The following NREP variants were observed in gnomAD, a reference collection of about 807,000 sequenced individuals.
The protein encoded by NREP is neuronal regeneration-related protein.
Under a neutral mutation model 8.6 loss-of-function variants are expected in NREP, and 5 were observed. The observed-to-expected ratio is 0.58, with a 90% CI of 0.30 to 1.22. The LOEUF is 1.22. NREP is among the 50% of genes most tolerant of loss of function. NREP has a pLI of 0.07. For synonymous variants in NREP, 27 were observed against 28.0 expected (o/e 0.96, Z 0.11); for missense variants, 86 against 82.5 (o/e 1.04, Z -0.17).
chr5:111,837,114 G>C (rs188976386), intron 2 of NREP, among the ~76,000 whole-genome samples: 183 of 151,958 alleles, frequency 1.2e-3, no homozygotes, highest in South Asian at 9.1e-3. Context: ...ATTTTTTTTG[G>C]CTTCTAAGTT....
At chr5:111,875,411 G>T (rs1753880697) in intron 2 of NREP, among the ~76,000 whole-genome samples, 1 of 152,018 alleles carries the variant, frequency 6.6e-6, no homozygotes, top group Admixed American at 6.6e-5. Context: ...TCACTTTCCA[G>T]AAACGTATCA....
chr5:111,867,198 G>T (rs992368549), intron 2 of NREP, among the ~76,000 whole-genome samples: 6 of 151,896 alleles, frequency 4.0e-5, no homozygotes, highest in African/African-American at 1.2e-4. Flanking sequence ...TCTTAGCTTG[G>T]GCTGTCACAA....
chr5:111,906,809 T>A (rs1302374910), intron 2 of NREP, among the ~76,000 whole-genome samples: 1 of 152,134 alleles, frequency 6.6e-6, no homozygotes, highest in East Asian at 1.9e-4. Context: ...CATCTAAGTA[T>A]CTTCTTTGGT....
intron 2 of NREP, among the ~76,000 whole-genome samples, chr5:111,973,458 T>G (rs1028812981): frequency 6.6e-6 from 1 of 152,190 alleles, no homozygotes; most frequent in Non-Finnish European, 1.5e-5. Context: ...TTGAGTAGAA[T>G]GGAGGCTTGT....
intron 2 of NREP, among the ~76,000 whole-genome samples, chr5:111,741,856 C>CACAA: frequency 6.6e-6 from 1 of 151,858 alleles, no homozygotes; most frequent in South Asian, 2.1e-4. Flanking sequence ...CACACACACA[C>CACAA]ACACACTGGA....
At chr5:111,815,873 A>G (rs941178216) in intron 2 of NREP, among the ~76,000 whole-genome samples, 1 of 152,166 alleles carries the variant, frequency 6.6e-6, no homozygotes, top group Non-Finnish European at 1.5e-5. Flanking sequence ...GATCCAAGAC[A>G]CCACACGTAA....
At chr5:111,775,901 T>C (rs1197461364) in intron 2 of NREP, among the ~76,000 whole-genome samples, 1 of 152,136 alleles carries the variant, frequency 6.6e-6, no homozygotes, top group Non-Finnish European at 1.5e-5. Flanking sequence ...TATTAAAAGA[T>C]AGATCACAAT....
At chr5:111,863,652 T>A (rs1232778404) in intron 2 of NREP, among the ~76,000 whole-genome samples, 1 of 151,790 alleles carries the variant, frequency 6.6e-6, no homozygotes, top group African/African-American at 2.4e-5. Context: ...TATGAGAGTG[T>A]AGTATCACTG....
chr5:111,888,102 C>G (rs139128041), intron 2 of NREP, among the ~76,000 whole-genome samples: 34 of 152,264 alleles, frequency 2.2e-4, no homozygotes, highest in South Asian at 8.3e-4. Context: ...TGAGGGTCAG[C>G]TAAGGCAAGG....
At chr5:111,731,132 G>T (rs539617235) in intron 3 of NREP, 86 bp from the exon 4 acceptor site, 398 of 1,492,254 alleles carry the variant, frequency 2.7e-4, no homozygotes, top group South Asian at 4.5e-4. Context: ...TTAAAATTTT[G>T]CTTTTCCTGC....
chr5:111,800,635 T>C (rs1459933696), intron 2 of NREP, among the ~76,000 whole-genome samples: 1 of 152,190 alleles, frequency 6.6e-6, no homozygotes, highest in East Asian at 1.9e-4. Flanking sequence ...TTGAGCAAGA[T>C]TCAAAGTGCA....
At chr5:111,884,760 G>C (rs1428922562) in intron 2 of NREP, among the ~76,000 whole-genome samples, 1 of 151,930 alleles carries the variant, frequency 6.6e-6, no homozygotes, top group Non-Finnish European at 1.5e-5. Context: ...AAAGGCCTTT[G>C]ACAAAATTCA....
chr5:111,943,248 G>T (rs1365258076), intron 2 of NREP, among the ~76,000 whole-genome samples: 1 of 152,020 alleles, frequency 6.6e-6, no homozygotes, highest in Non-Finnish European at 1.5e-5. Context: ...TCAGGTGCCG[G>T]TTATGCTGCC....
chr5:111,888,551 C>A (rs1053712929), intron 2 of NREP, among the ~76,000 whole-genome samples: 1 of 152,146 alleles, frequency 6.6e-6, no homozygotes, highest in African/African-American at 2.4e-5. Flanking sequence ...CTAGTCCCAC[C>A]TTTGACATGT....
chr5:111,831,600 G>C (rs1258836411), intron 2 of NREP, among the ~76,000 whole-genome samples: 1 of 152,078 alleles, frequency 6.6e-6, no homozygotes. Flanking sequence ...CCTCCCACCG[G>C]TTCACCCACT....
chr5:111,970,080 T>C (rs994812872), intron 2 of NREP, among the ~76,000 whole-genome samples: 3 of 152,220 alleles, frequency 2.0e-5, no homozygotes, highest in African/African-American at 7.2e-5. Context: ...TCTTCCTAAA[T>C]ACTCTGTAAG....
chr5:111,919,973 A>T (rs1454884879), intron 2 of NREP, among the ~76,000 whole-genome samples: 2 of 127,406 alleles, frequency 1.6e-5, no homozygotes, highest in Non-Finnish European at 3.3e-5. Flanking sequence ...TAAAAAGAAT[A>T]CCCCCCCCCC....
At chr5:111,741,740 A>G (rs892723706) in intron 2 of NREP, among the ~76,000 whole-genome samples, 1 of 152,058 alleles carries the variant, frequency 6.6e-6, no homozygotes, top group Non-Finnish European at 1.5e-5. Flanking sequence ...GGAAAGCAGA[A>G]TAAAAGTGCT....
intron 2 of NREP, among the ~76,000 whole-genome samples, chr5:111,839,997 G>C (rs762741317): frequency 8.6e-5 from 13 of 152,014 alleles, no homozygotes; most frequent in South Asian, 2.1e-4. Context: ...CATCCTGATC[G>C]TGTTTCAGAG....
Sources: gnomAD v4.1 joint callset for allele counts (sites outside exome capture counted in the v4.1 genomes callset) on GRCh38, gnomAD v4.1.1 for gene constraint, MANE v1.5 for transcripts, NCBI Gene and HGNC (gene_info 2026-07-23, HGNC 2026-07-21) for gene names.